Variants in TRPV6 observed in about 807,000 individuals in gnomAD.
The protein encoded by TRPV6 is transient receptor potential cation channel subfamily V member 6, also known as Alu-binding protein with zinc finger domain.
TRPV6 carries 39 observed loss-of-function variants against 79.0 expected under a neutral mutation model. That is an observed-to-expected ratio of 0.49 (90% confidence interval 0.38 to 0.64). TRPV6 has a LOEUF of 0.64. TRPV6 is among the 30% of genes least tolerant of loss of function. TRPV6 has a pLI of 0.00. For synonymous variants in TRPV6, 373 were observed against 391.9 expected, an observed-to-expected ratio of 0.95 and a Z score of 0.57; for missense variants, 813 against 1,011.1, an observed-to-expected ratio of 0.80 and a Z score of 2.66.
chr7:142,873,539 G>GC lies in TRPV6; in HGVS notation c.1816dup (p.Ala606GlyfsTer23), dbSNP rs1249936627. On this transcript the variant is annotated frameshift_variant, in exon 13 of 15. Transcript: ENST00000359396. LOFTEE classifies it high-confidence loss of function. This position sits in a 1 kb window ranked among gnomAD's most constrained non-coding sequence, Gnocchi z 4.8. Reference sequence around the variant, plus strand: ...GAGGAGGTTGAGCATGAGCAGTGTGGCGATGATGGCAAAGGCAGCATAGGT... The same window carrying GC: ...GAGGAGGTTGAGCATGAGCAGTGTGGCCGATGATGGCAAAGGCAGCATAGGT... The GC allele has an allele frequency of 1.9e-6, 3 of 1,614,108 alleles. No individual in the cohort carries two copies. The highest frequency in any genetic ancestry group is 2.7e-5 in the African/African-American group (2 of 74,928).
intron 13 of TRPV6, 147 bp from the exon 14 acceptor site, chr7:142,872,625 A>G (rs1425702515): frequency 5.0e-6 from 4 of 806,474 alleles, no homozygotes; most frequent in East Asian, 2.7e-5. Context: ...CCCAACATCC[A>G]TGACGCAGCC....
At chr7:142,874,357 AAAG>A (rs1430872755) in intron 11 of TRPV6, 131 bp downstream of exon 11, 10 of 1,314,528 alleles carry the variant, frequency 7.6e-6, no homozygotes, top group African/African-American at 1.5e-5. Flanking sequence ...GATTGTTAAA[AAAG>A]AAGAAAAACA....
Position 142,875,881 on chromosome 7 carries a change from C to A in TRPV6, c.906G>T (p.Lys302Asn). Residue 302 changes from lysine to asparagine, a missense_variant, in exon 7 of 15, where the codon AAG becomes AAT. Transcript: ENST00000359396. ...CATACGTCCACTGGGTGTGCTTCCG[C>A]TTCTGCATCAGGTGCTGAAACATCT... 6.3e-7 allele frequency: 1 copy of A among 1,591,238 alleles called. No homozygotes were observed. The highest frequency in any genetic ancestry group is 8.5e-7 in the Non-Finnish European group (1 of 1,170,582).
chr7:142,875,680 C>A lies in TRPV6; in HGVS notation c.1030G>T (p.Ala344Ser). Reference sequence around the variant, plus strand: ...GGCGTCTGGTCCAGGATCTGGCGAGCCTGCAACAGAAAGAGAACAGGTGGC... The same window carrying A: ...GGCGTCTGGTCCAGGATCTGGCGAGACTGCAACAGAAAGAGAACAGGTGGC... The change falls in exon 8 of 15, where the codon GCT becomes TCT. Residue 344 changes from alanine (A) to serine (S), a missense_variant and splice_region_variant. This residue lies in a region of TRPV6 where 555 missense variants were observed against 631.0 expected (regional missense o/e 0.88). Transcript: ENST00000359396. 1 of 1,610,366 alleles carries A rather than the reference C, an allele frequency of 6.2e-7. No homozygotes were observed. Among genetic ancestry groups the A allele is most frequent in the Non-Finnish European group, 8.5e-7 (1 of 1,178,196 alleles).
chr7:142,877,784 C>T lies in TRPV6; in HGVS notation c.347-11G>A. 4 of 1,614,112 alleles carry T rather than the reference C, an allele frequency of 2.5e-6. No homozygotes were observed. The highest frequency in any genetic ancestry group is 3.4e-6 in the Non-Finnish European group (4 of 1,179,992). On this transcript the variant is annotated splice_polypyrimidine_tract_variant and intron_variant, in intron 2 of 14. Transcript: ENST00000359396. ...TTTCCCCCATGGCTCCTGGCATTTA[C>T]AGAGAGGTGGGTTATATGGCTTCTG...
rs754643619 is a variant in TRPV6 at position 142,874,645 on chromosome 7, G to A, written c.1418C>T (p.Ala473Val). ...CACCATGGTCACCAGCACCATGAAG[G>A]CATAGGTGATGCTGGGGGAGCAGGG... The change falls in exon 11 of 15, where the codon GCC (alanine) becomes GTC (valine). Residue 473 changes from alanine to valine, a missense_variant. Physicochemically the swap from Ala to Val is moderately conservative, Grantham distance 64 (BLOSUM62 0). This residue lies in a region of TRPV6 where 555 missense variants were observed against 631.0 expected (regional missense o/e 0.88). Coordinates refer to ENST00000359396, the MANE Select transcript of TRPV6 (RefSeq NM_018646.6). 6.2e-7 allele frequency: 1 copy of A among 1,613,772 alleles called. No homozygotes were observed. The highest frequency in any genetic ancestry group is 1.1e-5 in the South Asian group (1 of 91,036).
chr7:142,876,040 G>A (rs1795060626), intron 6 of TRPV6, 136 bp from the exon 7 acceptor site: 2 of 964,766 alleles, frequency 2.1e-6, no homozygotes, highest in African/African-American at 3.3e-5. Flanking sequence ...GCCTTTAGAG[G>A]GCAGAAGAAC....
intron 3 of TRPV6, 106 bp from the exon 4 acceptor site, chr7:142,877,385 A>T (rs1795098825): frequency 6.5e-7 from 1 of 1,542,652 alleles, no homozygotes; most frequent in East Asian, 2.3e-5. Context: ...CCTGGGATGG[A>T]GAACAGGGAG....
chr7:142,873,765 C>T lies in TRPV6; in HGVS notation c.1640-49G>A, dbSNP rs947127887. The T allele has an allele frequency of 1.9e-6, 3 of 1,605,678 alleles. No homozygotes were observed. Among genetic ancestry groups the T allele is most frequent in the Non-Finnish European group, 2.6e-6 (3 of 1,173,824 alleles). ...GTTACCATGGCAACCATGCAGACGA[C>T]CAGCCCACCCCGGGCTCTGCGTGCA... On this transcript the variant is annotated intron_variant, in intron 12 of 14. Transcript: ENST00000359396. This position sits in a 1 kb window ranked among gnomAD's most constrained non-coding sequence, Gnocchi z 4.8.
At position 142,873,375 on chromosome 7, in the gene TRPV6, C is replaced by T. The variant is rs1473838322; in HGVS notation, c.1908+73G>A. The T allele has an allele frequency of 3.0e-5, 47 of 1,579,766 alleles. No homozygotes were observed. Among genetic ancestry groups the T allele is most frequent in the Non-Finnish European group, 3.9e-5 (45 of 1,160,280 alleles). On this transcript the variant is annotated intron_variant, in intron 13 of 14. Transcript: ENST00000359396. The surrounding 1 kb of genome is among the most constrained non-coding windows in gnomAD (Gnocchi z 4.8). ...CATAAGTGGGGTGGAGATATCCTGT[C>T]TCTCAGCTTGGCAGGTTCCTTGGTA...
chr7:142,883,757 C>A (rs1165905621), intron 1 of TRPV6: 1 of 152,228 alleles, frequency 6.6e-6, no homozygotes, highest in Non-Finnish European at 1.5e-5. Context: ...CTGGGAAGTG[C>A]CCACCCAAAG....
intron 8 of TRPV6, 140 bp from the exon 9 acceptor site, chr7:142,875,304 G>A: frequency 8.0e-7 from 1 of 1,246,058 alleles, no homozygotes; most frequent in Non-Finnish European, 1.1e-6. Flanking sequence ...TGCTCTCAGA[G>A]TAAGAGCGTA....
chr7:142,872,024 G>A, intron 14 of TRPV6, 35 bp from the exon 15 acceptor site: 1 of 1,549,808 alleles, frequency 6.5e-7, no homozygotes, highest in Non-Finnish European at 8.7e-7. Context: ...ACACAGCCAG[G>A]ACTTGAAGAA....
rs757951352 is a variant in TRPV6, at chr7:142,873,931, T to A, written c.1639+145A>T. ...CCTAACACTCCCGATTTTTCTCACC[T>A]CTGGAGGACGTCCCATCCTCTGATA... is the stretch of plus-strand genomic sequence containing the variant. On this transcript the variant is annotated intron_variant, in intron 12 of 14. Coordinates refer to ENST00000359396, the MANE Select transcript of TRPV6 (RefSeq NM_018646.6). The surrounding 1 kb of genome is among the most constrained non-coding windows in gnomAD (Gnocchi z 4.8). The A allele has an allele frequency of 3.1e-5, 34 of 1,113,338 alleles. No individual in the cohort carries two copies. The highest frequency in any genetic ancestry group is 4.3e-5 in the Non-Finnish European group (33 of 762,072). The allele number at this position is 1,113,338 out of a possible 1,614,324, so 69.0% of individuals were successfully genotyped here. A position where few individuals can be genotyped will look rare whatever the true frequency, so the allele number is the denominator to read the frequency against.
At chr7:142,879,335 C>T (rs1337881570) in intron 1 of TRPV6, 1 of 152,192 alleles carries the variant, frequency 6.6e-6, no homozygotes, top group African/African-American at 2.4e-5. Flanking sequence ...ATCCCCAGAT[C>T]ATCTCTTTAT....
chr7:142,873,441 G>T lies in TRPV6; in HGVS notation c.1908+7C>A. ...GCCCTAACCCTCCCTGCCACCAGGG[G>T]GCTCACCTGGGCCCTCCACAGCTCA... On this transcript the variant is annotated splice_region_variant and intron_variant, in intron 13 of 14. Coordinates refer to ENST00000359396, the MANE Select transcript of TRPV6 (RefSeq NM_018646.6). The surrounding 1 kb of genome is among the most constrained non-coding windows in gnomAD (Gnocchi z 4.8). 6.2e-7 allele frequency: 1 copy of T among 1,612,632 alleles called. No homozygotes were observed. Among genetic ancestry groups the T allele is most frequent in the Non-Finnish European group, 8.5e-7 (1 of 1,178,988 alleles).
chr7:142,877,980 G>A lies in TRPV6; in HGVS notation c.295C>T (p.Gln99Ter), dbSNP rs748153690. 6.2e-7 allele frequency: 1 copy of A among 1,614,172 alleles called. No individual in the cohort carries two copies. The highest frequency in any genetic ancestry group is 8.5e-7 in the Non-Finnish European group (1 of 1,180,032). Residue 99 changes from glutamine (Q) to a stop codon, truncating the protein, a stop_gained, in exon 2 of 15, where the codon CAG becomes TAG. Coordinates refer to ENST00000359396, the MANE Select transcript of TRPV6 (RefSeq NM_018646.6). LOFTEE classifies it high-confidence loss of function. ...TACTTGAGCAACTTGTTCAGGGCCT[G>A]GACATCATTATCTTTGGCAGCTAGA...
intron 1 of TRPV6, chr7:142,880,202 T>C (rs950230440): frequency 6.6e-6 from 1 of 152,096 alleles, no homozygotes; most frequent in African/African-American, 2.4e-5. Flanking sequence ...TTTTCCACAT[T>C]CCCTCCATCA....
intron 1 of TRPV6, 93 bp downstream of exon 1, chr7:142,885,296 G>A: frequency 1.0e-5 from 15 of 1,450,162 alleles, no homozygotes; most frequent in Non-Finnish European, 1.4e-5. Context: ...TCCAGCCAAA[G>A]GTGCCAAACA....
Sources: allele counts gnomAD v4.1 joint callset, GRCh38; gene constraint gnomAD v4.1.1; regional missense constraint gnomAD v4.1.1; non-coding constraint Gnocchi (gnomAD v3.1); transcripts MANE v1.5; gene names NCBI Gene and HGNC (gene_info 2026-07-23, HGNC 2026-07-21).